The following CFAP299 variants were observed in gnomAD, a reference collection of about 807,000 sequenced individuals.
The protein encoded by CFAP299 is cilia and flagella associated protein 299.
A neutral mutation model predicts 27.0 loss-of-function variants in CFAP299; 21 were observed. The ratio of observed to expected loss-of-function variants is 0.78; its 90% CI spans 0.55 to 1.12. The LOEUF is 1.12. CFAP299 is among the 50% of genes most tolerant of loss of function. CFAP299 has a pLI of 0.00. For synonymous variants in CFAP299, 104 were observed against 98.1 expected, an observed-to-expected ratio of 1.06 and a Z score of -0.36; for missense variants, 310 against 276.6, an observed-to-expected ratio of 1.12 and a Z score of -0.86.
At chr4:80,389,093 G>T (rs1358073285) in intron 2 of CFAP299, among the ~76,000 whole-genome samples, 3 of 152,082 alleles carry the variant, frequency 2.0e-5, no homozygotes, top group Non-Finnish European at 4.4e-5. Context: ...AGTGTTGAAA[G>T]ACATTTAAGG....
rs1007357763 is a variant in CFAP299 at position 80,376,074 on chromosome 4, G to A, written c.242+13190G>A. ...TCATTACCGCAAAAAGTTTCCTCAT[G>A]CCTCACTGTATTCTTTGTAGCCCCT... On this transcript the variant is annotated intron_variant, in intron 2 of 5. Transcript: ENST00000358105. Among the ~76,000 whole-genome samples, 5 of 152,248 alleles carry A rather than the reference G, an allele frequency of 3.3e-5. No homozygotes were observed. In the East Asian group the frequency reaches 9.6e-4, roughly 29 times the overall value.
intron 3 of CFAP299, among the ~76,000 whole-genome samples, chr4:80,861,053 G>T (rs1436526438): frequency 2.0e-5 from 3 of 152,214 alleles, no homozygotes; most frequent in Non-Finnish European, 4.4e-5. Context: ...TTGAGCTGTG[G>T]TGGGCTCCAA....
chr4:80,521,167 C>A lies in CFAP299; in HGVS notation c.243-61926C>A, dbSNP rs35219690. On this transcript the variant is annotated intron_variant, in intron 2 of 5. Transcript: ENST00000358105. ...AATTGGAATGATGGAGATTATAGGT[C>A]TTTTTCCTGAGGAATTAAACCGACA... Among the ~76,000 whole-genome samples, 1,079 of 152,246 alleles carry A rather than the reference C, an allele frequency of 7.1e-3. 5 individuals carry two copies. Among genetic ancestry groups the A allele is most frequent in the Non-Finnish European group, 0.013 (852 of 67,994 alleles).
At chr4:80,735,429 T>C (rs904867138) in intron 3 of CFAP299, among the ~76,000 whole-genome samples, 4 of 152,242 alleles carry the variant, frequency 2.6e-5, no homozygotes, top group African/African-American at 9.6e-5. Context: ...TGTTCTTTAT[T>C]CCTTTCTTTC....
intron 3 of CFAP299, among the ~76,000 whole-genome samples, chr4:80,650,164 T>G (rs370377145): frequency 6.6e-6 from 1 of 152,192 alleles, no homozygotes; most frequent in East Asian, 1.9e-4. Context: ...TTGTAAGAAT[T>G]TGCAGAATTC....
chr4:80,409,005 C>A (rs1388390499), intron 2 of CFAP299, among the ~76,000 whole-genome samples: 2 of 137,506 alleles, frequency 1.5e-5, no homozygotes. Flanking sequence ...TGCTTAAGCC[C>A]GGGAGGCAGT....
In CFAP299 at chr4:80,430,807, T is replaced by A; in HGVS notation, c.242+67923T>A. ...GCTTCTCTCTTTCTCTCTCAGCACATCTCTATCTAATCTATCATCTTTTTA... is the reference window on the plus strand; with the variant it reads ...GCTTCTCTCTTTCTCTCTCAGCACAACTCTATCTAATCTATCATCTTTTTA... On this transcript the variant is annotated intron_variant, in intron 2 of 5. Transcript: ENST00000358105. 1.3e-5 allele frequency among the ~76,000 whole-genome samples: 2 copies of A among 152,168 alleles called. 1 individual carries two copies. The highest frequency in any genetic ancestry group is 2.9e-5 in the Non-Finnish European group (2 of 68,028).
chr4:80,495,454 G>T (rs1278815223), intron 2 of CFAP299, among the ~76,000 whole-genome samples: 1 of 152,040 alleles, frequency 6.6e-6, no homozygotes, highest in Admixed American at 6.6e-5. Context: ...TTAGAAAAAG[G>T]TTTTTTAAAT....
intron 4 of CFAP299, among the ~76,000 whole-genome samples, chr4:80,887,017 C>T (rs1041805550): frequency 5.3e-5 from 8 of 151,238 alleles, no homozygotes; most frequent in Admixed American, 1.3e-4. Context: ...ATAGCCTATT[C>T]GAAAATACAC....
At chr4:80,710,205 C>T (rs1722060629) in intron 3 of CFAP299, among the ~76,000 whole-genome samples, 1 of 152,132 alleles carries the variant, frequency 6.6e-6, no homozygotes. Flanking sequence ...AGAGTGAAAG[C>T]AGGTGAACTC....
At chr4:80,910,681 G>A (rs958159050) in intron 4 of CFAP299, among the ~76,000 whole-genome samples, 3 of 152,074 alleles carry the variant, frequency 2.0e-5, no homozygotes, top group Non-Finnish European at 4.4e-5. Flanking sequence ...TGAGGGTAGA[G>A]GGTGGAAGCA....
At chr4:80,894,331 A>G (rs973343046) in intron 4 of CFAP299, among the ~76,000 whole-genome samples, 1 of 152,016 alleles carries the variant, frequency 6.6e-6, no homozygotes, top group African/African-American at 2.4e-5. Context: ...TGCTTATTAA[A>G]TACCTCTGTG....
intron 2 of CFAP299, among the ~76,000 whole-genome samples, chr4:80,414,118 T>A (rs1560556231): frequency 7.0e-6 from 1 of 142,622 alleles, no homozygotes; most frequent in Non-Finnish European, 1.5e-5. Flanking sequence ...TCGCCCAGGC[T>A]GGAGTGCAGT....
chr4:80,610,199 CT>C (rs71664810), intron 3 of CFAP299, among the ~76,000 whole-genome samples: 137 of 147,514 alleles, frequency 9.3e-4, no homozygotes, highest in Middle Eastern at 3.5e-3. Flanking sequence ...GATAAATGCT[CT>C]AAAAAAAATG....
intron 3 of CFAP299, among the ~76,000 whole-genome samples, chr4:80,791,810 A>G (rs1296526234): frequency 1.3e-5 from 2 of 151,928 alleles, no homozygotes; most frequent in South Asian, 2.1e-4. Context: ...AGTTGAGACC[A>G]TATTCCCTCA....
chr4:80,664,534 G>A (rs1035466959), intron 3 of CFAP299, among the ~76,000 whole-genome samples: 2 of 152,124 alleles, frequency 1.3e-5, no homozygotes, highest in African/African-American at 4.8e-5. Context: ...CACTGTGAGT[G>A]GAAAACTGCC....
chr4:80,435,316 G>A (rs143296428), intron 2 of CFAP299, among the ~76,000 whole-genome samples: 7 of 152,298 alleles, frequency 4.6e-5, no homozygotes, highest in African/African-American at 1.7e-4. Context: ...CAGAGAGGGG[G>A]TGAGCAAGCA....
chr4:80,878,870 G>T lies in CFAP299; in HGVS notation c.476+8735G>T, dbSNP rs191511004. 3.8e-3 allele frequency among the ~76,000 whole-genome samples: 576 copies of T among 152,178 alleles called. 1 individual carries two copies. Among genetic ancestry groups the T allele is most frequent in the Middle Eastern group, 0.017 (5 of 294 alleles). ...TAGAACTCAGAATCATTTTCCTTGAGATATTGTCTTATCAGAGATAGTTTG... is the reference window on the plus strand; with the variant it reads ...TAGAACTCAGAATCATTTTCCTTGATATATTGTCTTATCAGAGATAGTTTG... On this transcript the variant is annotated intron_variant, in intron 4 of 5. Coordinates refer to ENST00000358105, the MANE Select transcript of CFAP299 (RefSeq NM_152770.3).
At chr4:80,646,980 AGAGAGAGAGTGT>A (rs946493134) in intron 3 of CFAP299, among the ~76,000 whole-genome samples, 1 of 64,426 alleles carries the variant, frequency 1.6e-5, no homozygotes, top group African/African-American at 3.6e-5. Flanking sequence ...AGAGAGAGAG[AGAGAGAGAGTGT>A]GTGTGTGTGT....
Sources: allele counts gnomAD v4.1 joint callset (sites outside exome capture counted in the v4.1 genomes callset), GRCh38; gene constraint gnomAD v4.1.1; transcripts MANE v1.5; gene names NCBI Gene and HGNC (gene_info 2026-07-23, HGNC 2026-07-21).